GSR: variants seen among roughly 807,000 people sequenced by gnomAD.
GSR encodes glutathione reductase, mitochondrial.
In GSR, 48 loss-of-function variants were observed where a neutral mutation model predicts 56.5. The observed-to-expected ratio is 0.85, with a 90% CI of 0.67 to 1.08. The LOEUF (loss-of-function observed/expected upper bound fraction) is 1.08. Ranked by LOEUF, GSR falls within the 50% of genes least tolerant of loss-of-function variation. GSR has a pLI of 0.00. For synonymous variants in GSR, 264 were observed against 270.8 expected (o/e 0.97, Z 0.25); for missense variants, 694 against 703.3 (o/e 0.99, Z 0.15).
Position 30,679,030 on chromosome 8 carries a change from T to G in GSR, c.*490A>C, listed in dbSNP as rs1000704509. ...CAGGCATGGTGGTGCGTGCCTGTAA[T>G]TCCAGCTATTCGGGAGGCTAAGGCA... On this transcript the variant is annotated 3_prime_UTR_variant, in exon 13 of 13. Coordinates refer to ENST00000221130, the MANE Select transcript of GSR (RefSeq NM_000637.5). 1 of 159,460 alleles carries G rather than the reference T, an allele frequency of 6.3e-6. No homozygotes were observed. The highest frequency in any genetic ancestry group is 2.4e-5 in the African/African-American group (1 of 41,402). The allele number at this position is 159,460 out of a possible 1,614,324, so 9.9% of individuals were successfully genotyped here.
At chr8:30,719,572 T>C (rs7818511) in intron 1 of GSR, among the ~76,000 whole-genome samples, 117,401 of 152,024 alleles carry the variant, frequency 0.77, 49,469 homozygotes, top group Non-Finnish European at 0.94. Flanking sequence ...TTTCACAGGC[T>C]GTTCAGTAAA....
chr8:30,716,223 G>C (rs1360200402), intron 1 of GSR, among the ~76,000 whole-genome samples: 1 of 152,220 alleles, frequency 6.6e-6, no homozygotes, highest in Non-Finnish European at 1.5e-5. Context: ...GACTCAAGGG[G>C]CAGCAGCAGA....
At chr8:30,691,664 G>A (rs1803382711) in intron 8 of GSR, among the ~76,000 whole-genome samples, 1 of 149,106 alleles carries the variant, frequency 6.7e-6, no homozygotes, top group South Asian at 2.1e-4. Flanking sequence ...CTGAGCAACA[G>A]AGAGAAATTC....
chr8:30,678,708 G>T lies in GSR; in HGVS notation c.*812C>A, dbSNP rs919693237. 2 of 152,132 alleles carry T rather than the reference G, an allele frequency of 1.3e-5. No individual in the cohort carries two copies. Among genetic ancestry groups the T allele is most frequent in the South Asian group, 2.1e-4 (1 of 4,824 alleles). The allele number at this position is 152,132 out of a possible 1,614,324, so 9.4% of individuals were successfully genotyped here. On this transcript the variant is annotated 3_prime_UTR_variant, in exon 13 of 13. Transcript: ENST00000221130. ...AAAAAGAAAAAAGAAAATAAGGCAGGCCGGCTTCTCACATTACATGCTTTT... is the reference window on the plus strand; with the variant it reads ...AAAAAGAAAAAAGAAAATAAGGCAGTCCGGCTTCTCACATTACATGCTTTT...
At chr8:30,722,407 C>T (rs1406465300) in intron 1 of GSR, among the ~76,000 whole-genome samples, 3 of 152,068 alleles carry the variant, frequency 2.0e-5, no homozygotes, top group African/African-American at 4.8e-5. Context: ...TTAAACTGAC[C>T]TCCTTTTAGT....
Position 30,679,755 on chromosome 8 carries a change from G to C in GSR, c.1420-86C>G. 9.0e-6 allele frequency: 11 copies of C among 1,224,048 alleles called. No homozygotes were observed. The South Asian group carries it at 1.3e-4, about 14-fold the overall frequency. The allele number at this position is 1,224,048 out of a possible 1,614,324, so 75.8% of individuals were successfully genotyped here. On this transcript the variant is annotated intron_variant, in intron 12 of 12. Transcript: ENST00000221130. ...AGTTTCACTCTTGTTGCCCAGGCTG[G>C]AGTGCAATGGCATGATCTCGGCTCG...
At chr8:30,708,498 A>T (rs906267734) in intron 3 of GSR, among the ~76,000 whole-genome samples, 1 of 152,214 alleles carries the variant, frequency 6.6e-6, no homozygotes, top group Non-Finnish European at 1.5e-5. Flanking sequence ...AAAACTGTTA[A>T]TGGCTTCAAA....
chr8:30,707,093 G>C (rs1381913414), intron 4 of GSR: 1 of 152,114 alleles, frequency 6.6e-6, no homozygotes, highest in Non-Finnish European at 1.5e-5. Context: ...AGCTGAGATT[G>C]TGCATTCCAG....
At chr8:30,706,238 C>T (rs1803915801) in intron 4 of GSR, among the ~76,000 whole-genome samples, 1 of 151,772 alleles carries the variant, frequency 6.6e-6, no homozygotes, top group African/African-American at 2.4e-5. Context: ...GGTTGTTCAC[C>T]CCTGTAATCC....
chr8:30,699,135 TA>T (rs1249148802), intron 6 of GSR, among the ~76,000 whole-genome samples: 2 of 151,724 alleles, frequency 1.3e-5, no homozygotes, highest in East Asian at 3.9e-4. Flanking sequence ...AAATTTAAAT[TA>T]AAAAGTTAAC....
chr8:30,724,685 G>A (rs1804665707), intron 1 of GSR, among the ~76,000 whole-genome samples: 1 of 150,578 alleles, frequency 6.6e-6, no homozygotes, highest in African/African-American at 2.4e-5. Context: ...AGTAGCATGT[G>A]CCACCACACC....
At chr8:30,688,578 C>CAAAAAAAAAAAAAAAAAAAAAAAAAA (rs57690198) in intron 9 of GSR, among the ~76,000 whole-genome samples, 1 of 81,544 alleles carries the variant, frequency 1.2e-5, no homozygotes, top group Non-Finnish European at 2.2e-5. Flanking sequence ...GACCCTGTCT[C>CAAAAAAAAAAAAAAAAAAAAAAAAAA]AAAAAAAAAA....
intron 12 of GSR, among the ~76,000 whole-genome samples, chr8:30,680,467 T>A (rs1295600748): frequency 7.1e-6 from 1 of 140,492 alleles, no homozygotes; most frequent in Non-Finnish European, 1.5e-5. Context: ...TGATCTTGGC[T>A]CACTGCAACC....
intron 1 of GSR, among the ~76,000 whole-genome samples, chr8:30,725,610 G>A (rs1804698713): frequency 6.6e-6 from 1 of 151,540 alleles, no homozygotes; most frequent in Non-Finnish European, 1.5e-5. Flanking sequence ...AGCTGGGTGT[G>A]GTGGCTCATG....
At position 30,692,933 on chromosome 8, in the gene GSR, T is replaced by C. The variant is rs200703989; in HGVS notation, c.882+36A>G. The C allele has an allele frequency of 1.9e-5, 25 of 1,306,012 alleles. No individual in the cohort carries two copies. The East Asian group carries it at 2.8e-4, about 14-fold the overall frequency. The allele number at this position is 1,306,012 out of a possible 1,614,324, so 80.9% of individuals were successfully genotyped here. A position where few individuals can be genotyped will look rare whatever the true frequency, so the allele number is the denominator to read the frequency against. On this transcript the variant is annotated intron_variant, in intron 8 of 12. Coordinates refer to ENST00000221130, the MANE Select transcript of GSR (RefSeq NM_000637.5). ...GCCACAAGCAGAAAGTGTGATTGAC[T>C]GGGGGCCGCGTGCATGCCTGGGCTT... is the stretch of plus-strand genomic sequence containing the variant.
chr8:30,684,145 T>C lies in GSR; in HGVS notation c.1096A>G (p.Asn366Asp), dbSNP rs375570135. The C allele has an allele frequency of 1.2e-6, 2 of 1,610,878 alleles. No homozygotes were observed. Among genetic ancestry groups the C allele is most frequent in the Non-Finnish European group, 1.7e-6 (2 of 1,177,064 alleles). ...CCAACTGCATAGATGCCTTTGACGT[T>C]GGTATTCTGGAATTCGTCTACGATG... ...HIIVDEFQNT[N>D]VKGIYAVGDV... The change falls in exon 10 of 13, where the codon AAC becomes GAC. Residue 366 changes from asparagine (N) to aspartate (D), a missense_variant. By Grantham distance (23) the Asn-to-Asp change is conservative. Coordinates refer to ENST00000221130, the MANE Select transcript of GSR (RefSeq NM_000637.5).
intron 9 of GSR, among the ~76,000 whole-genome samples, chr8:30,688,665 C>T (rs1803247226): frequency 6.7e-6 from 1 of 150,080 alleles, no homozygotes; most frequent in Non-Finnish European, 1.5e-5. Context: ...TGGGACATGC[C>T]TATAGTCCCA....
intron 8 of GSR, among the ~76,000 whole-genome samples, chr8:30,690,570 T>C (rs1563530174): frequency 6.6e-6 from 1 of 152,170 alleles, no homozygotes; most frequent in East Asian, 1.9e-4. Context: ...GGTAGCCTCC[T>C]CCACCAGCCG....
chr8:30,726,715 T>C (rs1804737758), intron 1 of GSR, among the ~76,000 whole-genome samples: 1 of 152,160 alleles, frequency 6.6e-6, no homozygotes, highest in African/African-American at 2.4e-5. Flanking sequence ...TGAGCTATGA[T>C]GGCCACTGCA....
Sources: gnomAD v4.1 joint callset for allele counts (sites outside exome capture counted in the v4.1 genomes callset) on GRCh38, gnomAD v4.1.1 for gene constraint, MANE v1.5 for transcripts, NCBI Gene and HGNC (gene_info 2026-07-23, HGNC 2026-07-21) for gene names.